The following MBOAT2 variants were observed in gnomAD, a reference collection of about 807,000 sequenced individuals.
MBOAT2 encodes the protein membrane-bound glycerophospholipid O-acyltransferase 2.
A neutral mutation model predicts 63.4 loss-of-function variants in MBOAT2; 28 were observed. That is an observed-to-expected ratio of 0.44 (90% CI 0.33 to 0.61). The LOEUF (loss-of-function observed/expected upper bound fraction) is 0.61. MBOAT2 is among the 20% of genes least tolerant of loss of function. MBOAT2 has a pLI of 0.03. For missense variants in MBOAT2, 470 were observed against 605.8 expected (o/e 0.78, Z 2.35); for synonymous variants, 211 against 215.6 (o/e 0.98, Z 0.19).
chr2:8,907,125 TC>T (rs1665390848), intron 4 of MBOAT2, among the ~76,000 whole-genome samples: 1 of 152,256 alleles, frequency 6.6e-6, no homozygotes, highest in South Asian at 2.1e-4. Context: ...GTTTCTATTT[TC>T]TACTATTAAT....
At chr2:8,961,354 A>G (rs1669587484) in intron 1 of MBOAT2, among the ~76,000 whole-genome samples, 1 of 152,216 alleles carries the variant, frequency 6.6e-6, no homozygotes. Context: ...AGCTCTTTAA[A>G]GAAAATTGGA....
chr2:8,915,325 CAGCTGG>C (rs929115234), intron 3 of MBOAT2, among the ~76,000 whole-genome samples: 2 of 152,134 alleles, frequency 1.3e-5, no homozygotes, highest in Non-Finnish European at 2.9e-5. Context: ...AAAACGGACC[CAGCTGG>C]TGGGGCTTTT....
At chr2:8,914,489 G>GAA (rs572618785) in intron 3 of MBOAT2, among the ~76,000 whole-genome samples, 10 of 134,028 alleles carry the variant, frequency 7.5e-5, no homozygotes, top group Admixed American at 1.5e-4. Context: ...GAGAGTTCAG[G>GAA]AAAAAAAAAA....
chr2:8,864,230 G>A lies in MBOAT2; in HGVS notation c.992C>T (p.Ser331Leu). ...ATCAAGAAACATCTTGAAACTTGTT[G>A]ACATCTGAAAAAAAAGGAAACTTTT... is the stretch of plus-strand genomic sequence containing the variant. ...SNLRIQQIEM[S>L]TSFKMFLDNW... Residue 331 changes from serine to leucine, a missense_variant, in exon 10 of 13, where the codon TCA becomes TTA. By Grantham distance (145) the Ser-to-Leu change is moderately radical. Transcript: ENST00000305997. 6.4e-7 allele frequency: 1 copy of A among 1,561,752 alleles called. No homozygotes were observed. Among genetic ancestry groups the A allele is most frequent in the Admixed American group, 2.0e-5 (1 of 49,344 alleles).
At chr2:8,966,525 T>C (rs1409390815) in intron 1 of MBOAT2, among the ~76,000 whole-genome samples, 1 of 152,196 alleles carries the variant, frequency 6.6e-6, no homozygotes, top group Non-Finnish European at 1.5e-5. Context: ...TTGTTTTTAA[T>C]TTCCCAGGCA....
At chr2:8,965,990 C>T (rs1669951876) in intron 1 of MBOAT2, among the ~76,000 whole-genome samples, 1 of 152,164 alleles carries the variant, frequency 6.6e-6, no homozygotes, top group South Asian at 2.1e-4. Flanking sequence ...CACATCTCTA[C>T]TGATGGAATA....
chr2:8,950,969 T>A (rs544451115), intron 2 of MBOAT2, among the ~76,000 whole-genome samples: 2 of 152,218 alleles, frequency 1.3e-5, no homozygotes, highest in Non-Finnish European at 2.9e-5. Flanking sequence ...CATCCTTGCA[T>A]CTGAGGAATA....
chr2:8,975,645 G>A (rs1363890638), intron 1 of MBOAT2, among the ~76,000 whole-genome samples: 1 of 151,944 alleles, frequency 6.6e-6, no homozygotes, highest in Admixed American at 6.6e-5. Context: ...AACCACAAAT[G>A]TAAAATAAAT....
At chr2:8,930,353 A>G (rs1472097518) in intron 3 of MBOAT2, among the ~76,000 whole-genome samples, 1 of 152,166 alleles carries the variant, frequency 6.6e-6, no homozygotes, top group African/African-American at 2.4e-5. Flanking sequence ...TCCTTGCGAT[A>G]GTTTGCTGAG....
chr2:8,916,713 C>G (rs1329546438), intron 3 of MBOAT2, among the ~76,000 whole-genome samples: 2 of 152,228 alleles, frequency 1.3e-5, no homozygotes, highest in Non-Finnish European at 2.9e-5. Flanking sequence ...CCAAGGTTCT[C>G]AGGCTTAGAC....
intron 4 of MBOAT2, among the ~76,000 whole-genome samples, chr2:8,906,768 C>CTA (rs1665364241): frequency 1.3e-5 from 2 of 152,348 alleles, no homozygotes; most frequent in Non-Finnish European, 1.5e-5. Flanking sequence ...TCACACAAAT[C>CTA]TATAGTAACA....
In MBOAT2 at chr2:8,854,973, G is replaced by GA. The variant is rs2148496657; in HGVS notation, c.*3705dup. The stretch of plus-strand genomic sequence containing the variant: ...ATCTTCTCCAATTCCACACAGCACA[G>GA]AAACCAACAAAGCAGAGAGAGCAAA... On this transcript the variant is annotated 3_prime_UTR_variant, in exon 13 of 13. Transcript: ENST00000305997. The GA allele has an allele frequency of 6.6e-6, 1 of 152,284 alleles. No homozygotes were observed. Among genetic ancestry groups the GA allele is most frequent in the South Asian group, 2.1e-4 (1 of 4,824 alleles). 9.4% of individuals were successfully genotyped at this position (152,284 alleles called of 1,614,324 possible).
At chr2:8,939,174 T>C (rs16866852) in intron 3 of MBOAT2, among the ~76,000 whole-genome samples, 1 of 152,182 alleles carries the variant, frequency 6.6e-6, no homozygotes. Flanking sequence ...AGTGAATGAA[T>C]CTTTCTACTA....
At chr2:8,913,662 A>T (rs1414607228) in intron 3 of MBOAT2, among the ~76,000 whole-genome samples, 1 of 152,116 alleles carries the variant, frequency 6.6e-6, no homozygotes, top group Non-Finnish European at 1.5e-5. Context: ...GGTCATAATT[A>T]AAAAAACAGT....
intron 6 of MBOAT2, among the ~76,000 whole-genome samples, chr2:8,879,024 C>T (rs981940292): frequency 1.4e-5 from 2 of 145,506 alleles, no homozygotes; most frequent in Non-Finnish European, 3.0e-5. Context: ...TGCAGTGAGC[C>T]GAGATCCCGC....
chr2:8,955,453 G>A (rs1385176679), intron 2 of MBOAT2, among the ~76,000 whole-genome samples: 6 of 152,138 alleles, frequency 3.9e-5, no homozygotes, highest in South Asian at 2.1e-4. Context: ...ATGCTATCAC[G>A]GGGGCTGTTT....
rs1479029193 is a variant in MBOAT2, at chr2:9,003,599, T to C, written c.16A>G (p.Thr6Ala). The change falls in exon 1 of 13, where the codon ACC becomes GCC. Residue 6 changes from threonine to alanine, a missense_variant. Transcript: ENST00000305997. The surrounding 1 kb of genome is among the most constrained non-coding windows in gnomAD (Gnocchi z 5.4). MATTS[T>A]TGSTLLQPLS... ...GGCTGCAGCAGGGTGGAGCCCGTGG[T>C]GCTGGTGGTGGCCATGGCCGGGCCT... 1.2e-5 allele frequency: 15 copies of C among 1,211,958 alleles called. No homozygotes were observed. Among genetic ancestry groups the C allele is most frequent in the Non-Finnish European group, 1.5e-5 (15 of 970,878 alleles). 75.1% of individuals were successfully genotyped at this position (1,211,958 alleles called of 1,614,324 possible). A position where few individuals can be genotyped will look rare whatever the true frequency, so the allele number is the denominator to read the frequency against.
chr2:8,956,438 T>C (rs1276222596), intron 2 of MBOAT2, among the ~76,000 whole-genome samples: 3 of 152,324 alleles, frequency 2.0e-5, no homozygotes, highest in Non-Finnish European at 2.9e-5. Flanking sequence ...CAGTGGCTCA[T>C]ACCTGTAATC....
At chr2:8,895,691 G>A (rs1664406090) in intron 4 of MBOAT2, among the ~76,000 whole-genome samples, 1 of 152,186 alleles carries the variant, frequency 6.6e-6, no homozygotes, top group African/African-American at 2.4e-5. Context: ...GACCGCTCTA[G>A]CTACTTCCTG....
Sources: allele counts gnomAD v4.1 joint callset (sites outside exome capture counted in the v4.1 genomes callset), GRCh38; gene constraint gnomAD v4.1.1; non-coding constraint Gnocchi (gnomAD v3.1); transcripts MANE v1.5; gene names NCBI Gene and HGNC (gene_info 2026-07-23, HGNC 2026-07-21).